Variants in PALM2AKAP2 observed in about 807,000 individuals in gnomAD.
PALM2AKAP2 encodes the protein PALM2-AKAP2 fusion protein.
In PALM2AKAP2, 37 loss-of-function variants were observed where a neutral mutation model predicts 71.5. The observed-to-expected ratio is 0.52, with a 90% CI of 0.40 to 0.68. The LOEUF is 0.68. Among genes scored for constraint, PALM2AKAP2 ranks in the 30% least tolerant of loss-of-function variants. The pLI is 0.00. For missense variants in PALM2AKAP2, 1,224 were observed against 1,191.8 expected, an observed-to-expected ratio of 1.03 and a Z score of -0.40; for synonymous variants, 468 against 478.8, an observed-to-expected ratio of 0.98 and a Z score of 0.29.
At chr9:110,081,959 T>C (rs1484246568) in intron 1 of PALM2AKAP2, among the ~76,000 whole-genome samples, 3 of 152,096 alleles carry the variant, frequency 2.0e-5, no homozygotes, top group African/African-American at 7.2e-5. Flanking sequence ...CCTTTGCCAC[T>C]GATTTCAACC....
At chr9:109,728,051 C>T (rs761806928) in intron 1 of PALM2AKAP2, among the ~76,000 whole-genome samples, 1 of 152,200 alleles carries the variant, frequency 6.6e-6, no homozygotes, top group African/African-American at 2.4e-5. Flanking sequence ...GTCTCCTCCA[C>T]TACAGTTTCT....
intron 3 of PALM2AKAP2, among the ~76,000 whole-genome samples, chr9:110,158,812 T>A (rs1384759193): frequency 6.6e-6 from 1 of 152,202 alleles, no homozygotes; most frequent in Non-Finnish European, 1.5e-5. Context: ...AGAACCAAGT[T>A]TGCTGTTGTT....
chr9:110,048,627 G>C, upstream of PALM2AKAP2: 8 of 1,419,626 alleles, frequency 5.6e-6, no homozygotes, highest in Non-Finnish European at 7.3e-6. Context: ...AGGCGGGGAA[G>C]GGGCGGGCCC....
intron 1 of PALM2AKAP2, among the ~76,000 whole-genome samples, chr9:110,057,414 G>T (rs1453703100): frequency 7.3e-6 from 1 of 137,362 alleles, no homozygotes; most frequent in Non-Finnish European, 1.5e-5. Context: ...ACAGAGACTC[G>T]CTCTGCCATG....
intron 6 of PALM2AKAP2, among the ~76,000 whole-genome samples, chr9:109,991,138 T>C (rs1792906393): frequency 6.6e-6 from 1 of 152,196 alleles, no homozygotes; most frequent in Non-Finnish European, 1.5e-5. Flanking sequence ...GCCAGGTTAT[T>C]TTTTTAAGTG....
At chr9:109,777,970 C>T (rs986374258), upstream of PALM2AKAP2, among the ~76,000 whole-genome samples, 1 of 152,228 alleles carries the variant, frequency 6.6e-6, no homozygotes, top group South Asian at 2.1e-4. Flanking sequence ...ATATTTCCAA[C>T]TGATCACTTC....
intron 6 of PALM2AKAP2, chr9:109,943,740 A>G (rs1831433861): frequency 1.1e-5 from 3 of 265,158 alleles, no homozygotes; most frequent in Admixed American, 4.9e-5. Context: ...GCCTTAACTC[A>G]CTTGACTGGA....
intron 1 of PALM2AKAP2, among the ~76,000 whole-genome samples, chr9:109,855,274 T>C (rs192301468): frequency 4.4e-4 from 67 of 152,012 alleles, no homozygotes; most frequent in African/African-American, 1.6e-3. Context: ...GGTTTCACCA[T>C]GTTGCCCAGG....
At position 109,867,311 on chromosome 9, in the gene PALM2AKAP2, G is replaced by A. The variant is rs1054984210; in HGVS notation, c.46-180G>A. ...CTTCGAGCCTACAGCAGACATGTTA[G>A]GAGAATGCTGCTGCTTGCAACACAC... On this transcript the variant is annotated intron_variant, in intron 1 of 9. Coordinates refer to the PALM2AKAP2 transcript ENST00000302798. 3.8e-5 allele frequency: 23 copies of A among 600,588 alleles called. No individual in the cohort carries two copies. In the South Asian group the frequency reaches 3.9e-4, roughly 10 times the overall value. The allele number at this position is 600,588 out of a possible 1,614,324, so 37.2% of individuals were successfully genotyped here.
intron 1 of PALM2AKAP2, among the ~76,000 whole-genome samples, chr9:109,834,590 G>T (rs1828403036): frequency 6.6e-6 from 1 of 152,076 alleles, no homozygotes; most frequent in Non-Finnish European, 1.5e-5. Context: ...CAAGGCTCTG[G>T]CTTTCAGGGT....
intron 1 of PALM2AKAP2, among the ~76,000 whole-genome samples, chr9:109,648,839 G>T (rs1486595207): frequency 6.6e-6 from 1 of 152,206 alleles, no homozygotes; most frequent in African/African-American, 2.4e-5. Flanking sequence ...TTCAAACAGG[G>T]CCAAAGTGTA....
At chr9:109,767,425 C>T (rs1441718996) in intron 1 of PALM2AKAP2, among the ~76,000 whole-genome samples, 1 of 152,228 alleles carries the variant, frequency 6.6e-6, no homozygotes, top group African/African-American at 2.4e-5. Flanking sequence ...AGGCTGTTGC[C>T]CCATCTACCC....
At chr9:110,016,091 C>T (rs759551225) in intron 7 of PALM2AKAP2, 52 bp downstream of exon 7, 5 of 1,553,680 alleles carry the variant, frequency 3.2e-6, no homozygotes, top group East Asian at 2.3e-5. Context: ...AGAGTAAAGG[C>T]AGCCGATGGC....
intron 7 of PALM2AKAP2, among the ~76,000 whole-genome samples, chr9:110,040,379 G>A (rs1353905770): frequency 2.6e-5 from 4 of 152,112 alleles, no homozygotes; most frequent in East Asian, 1.9e-4. Context: ...TGAAGTTTAC[G>A]TTAATGCTAG....
chr9:110,131,456 G>A (rs551610533), intron 1 of PALM2AKAP2, among the ~76,000 whole-genome samples: 52 of 152,160 alleles, frequency 3.4e-4, no homozygotes, highest in Non-Finnish European at 6.8e-4. Context: ...AATCACGTTC[G>A]CCTAATTTGA....
intron 1 of PALM2AKAP2, among the ~76,000 whole-genome samples, chr9:109,851,209 C>CAACAACAACAAA (rs1351473290): frequency 6.9e-6 from 1 of 144,902 alleles, no homozygotes; most frequent in African/African-American, 2.6e-5. Flanking sequence ...ACAACAACAA[C>CAACAACAACAAA]AAAAAAAAAA....
chr9:109,655,298 CAAAAA>C (rs10598253), intron 1 of PALM2AKAP2, among the ~76,000 whole-genome samples: 12 of 110,406 alleles, frequency 1.1e-4, no homozygotes, highest in Non-Finnish European at 1.3e-4. Context: ...GACTCGGTCT[CAAAAA>C]AAAAAAAAAA....
At chr9:110,081,816 A>C (rs576589894) in intron 1 of PALM2AKAP2, among the ~76,000 whole-genome samples, 1 of 152,092 alleles carries the variant, frequency 6.6e-6, no homozygotes, top group East Asian at 1.9e-4. Flanking sequence ...CTTTCCTGTG[A>C]GAGCCCTCAC....
intron 1 of PALM2AKAP2, among the ~76,000 whole-genome samples, chr9:109,789,853 C>G (rs1179051795): frequency 6.6e-6 from 1 of 152,146 alleles, no homozygotes. Context: ...TCTCATTAGT[C>G]TCTTGTTGAA....
Sources: gnomAD v4.1 joint callset for allele counts (sites outside exome capture counted in the v4.1 genomes callset) on GRCh38, gnomAD v4.1.1 for gene constraint, MANE v1.5 for transcripts, NCBI Gene and HGNC (gene_info 2026-07-23, HGNC 2026-07-21) for gene names.